SDK1: variants seen among roughly 807,000 people sequenced by gnomAD.
SDK1 encodes the protein sidekick cell adhesion molecule 1, also known as protein sidekick-1.
In SDK1, 157 loss-of-function variants were observed where a neutral mutation model predicts 245.5. The observed-to-expected ratio is 0.64, with a 90% CI of 0.56 to 0.73. SDK1 has a LOEUF of 0.73. Among genes scored for constraint, SDK1 ranks in the 30% least tolerant of loss-of-function variants. The probability of loss-of-function intolerance (pLI) is 0.00; values close to 1 mark genes in which losing one functional copy is unlikely to be tolerated. For missense variants in SDK1, 3,583 were observed against 3,002.3 expected (o/e 1.19, Z -4.52); for synonymous variants, 1,647 against 1,278.5 (o/e 1.29, Z -6.15).
intron 1 of SDK1, among the ~76,000 whole-genome samples, chr7:3,309,954 A>G (rs1779511372): frequency 6.6e-6 from 1 of 152,214 alleles, no homozygotes; most frequent in African/African-American, 2.4e-5. Flanking sequence ...TAAGAAAAAA[A>G]GGATTTTATT....
At chr7:3,822,754 A>G (rs1779676565) in intron 5 of SDK1, among the ~76,000 whole-genome samples, 1 of 151,756 alleles carries the variant, frequency 6.6e-6, no homozygotes, top group Admixed American at 6.6e-5. Flanking sequence ...GGCAGAAAGA[A>G]TGAAATTCCA....
chr7:3,905,184 T>C (rs1778855367), intron 5 of SDK1, among the ~76,000 whole-genome samples: 1 of 152,112 alleles, frequency 6.6e-6, no homozygotes, highest in Non-Finnish European at 1.5e-5. Context: ...TCACCATTTT[T>C]TTTATTTTTT....
intron 44 of SDK1, among the ~76,000 whole-genome samples, chr7:4,250,196 G>A (rs1031664887): frequency 1.1e-4 from 17 of 152,242 alleles, no homozygotes; most frequent in Middle Eastern, 3.4e-3. Flanking sequence ...TGATTGCAAC[G>A]CATTTGAACC....
chr7:3,454,913 T>C (rs547938650), intron 1 of SDK1, among the ~76,000 whole-genome samples: 6 of 152,312 alleles, frequency 3.9e-5, no homozygotes, highest in Non-Finnish European at 5.9e-5. Context: ...GCCAAACTAT[T>C]TTCCAGAGTG....
intron 1 of SDK1, among the ~76,000 whole-genome samples, chr7:3,512,768 T>C (rs1782624213): frequency 6.6e-6 from 1 of 152,208 alleles, no homozygotes; most frequent in African/African-American, 2.4e-5. Flanking sequence ...TTTTATGCTT[T>C]TTTATGTGAG....
At chr7:4,035,159 A>G (rs1208389067) in intron 17 of SDK1, among the ~76,000 whole-genome samples, 1 of 147,698 alleles carries the variant, frequency 6.8e-6, no homozygotes, top group Non-Finnish European at 1.5e-5. Context: ...TTTTTTTCTT[A>G]TCTTTAGTAG....
At chr7:3,481,445 G>A (rs1229869639) in intron 1 of SDK1, among the ~76,000 whole-genome samples, 1 of 152,226 alleles carries the variant, frequency 6.6e-6, no homozygotes, top group Non-Finnish European at 1.5e-5. Context: ...CTCTAGATAT[G>A]CCCTCTACAC....
At chr7:4,241,330 T>A (rs990207830) in intron 42 of SDK1, among the ~76,000 whole-genome samples, 2 of 152,132 alleles carry the variant, frequency 1.3e-5, no homozygotes, top group Non-Finnish European at 2.9e-5. Context: ...TTTCCCGGAA[T>A]TTTTAGAAGT....
chr7:3,539,813 G>T (rs1779001421), intron 1 of SDK1, among the ~76,000 whole-genome samples: 1 of 152,126 alleles, frequency 6.6e-6, no homozygotes, highest in East Asian at 1.9e-4. Context: ...CCAAATGAAA[G>T]AATAAACACT....
In SDK1 at chr7:4,145,907, G is replaced by A. The variant is rs549175408; in HGVS notation, c.4414G>A (p.Glu1472Lys). Residue 1472 changes from glutamate (E) to lysine (K), a missense_variant, in exon 29 of 45, where the codon GAG (glutamate) becomes AAG (lysine). Glu to Lys is a moderately conservative substitution (Grantham distance 56, BLOSUM62 1). Transcript: ENST00000404826. ...ACTGGAGGCCACCGTCATCACCACC[G>A]AGAAGAGAGGTAAGACCTTGGGGGA... ...EPLEATVITT[E>K]KRERPAPPRE... 1.7e-5 allele frequency: 28 copies of A among 1,605,866 alleles called. No homozygotes were observed. The highest frequency in any genetic ancestry group is 8.9e-5 in the South Asian group (8 of 90,312).
intron 5 of SDK1, among the ~76,000 whole-genome samples, chr7:3,923,129 C>T (rs1779651937): frequency 6.6e-6 from 1 of 152,140 alleles, no homozygotes; most frequent in Admixed American, 6.5e-5. Context: ...TTCATATTTA[C>T]AGTGTGTTAT....
chr7:3,502,948 G>T (rs1235180765), intron 1 of SDK1, among the ~76,000 whole-genome samples: 1 of 152,130 alleles, frequency 6.6e-6, no homozygotes, highest in Non-Finnish European at 1.5e-5. Flanking sequence ...ATATTATAGG[G>T]ATTAATGAAC....
intron 5 of SDK1, among the ~76,000 whole-genome samples, chr7:3,852,361 G>A (rs1780438813): frequency 6.6e-6 from 1 of 152,010 alleles, no homozygotes; most frequent in Non-Finnish European, 1.5e-5. Flanking sequence ...TGGGTACCGT[G>A]CTGTCACTAG....
At chr7:4,103,071 G>A (rs1782672939) in intron 22 of SDK1, among the ~76,000 whole-genome samples, 1 of 149,202 alleles carries the variant, frequency 6.7e-6, no homozygotes, top group African/African-American at 2.5e-5. Context: ...TGCGATCTCG[G>A]CTCACTGCAA....
Position 4,175,171 on chromosome 7 carries a change from C to T in SDK1, c.4937-604C>T, listed in dbSNP as rs564960622. On this transcript the variant is annotated intron_variant, in intron 33 of 44. Transcript: ENST00000404826. ...TGCTCCTATGCTCACACAGCTTGAC[C>T]CCAGTACAGCGCCAGGCATGATGTT... Among the ~76,000 whole-genome samples the T allele has an allele frequency of 2.2e-4, 33 of 152,320 alleles. No individual in the cohort carries two copies. In the South Asian group the frequency reaches 3.1e-3, roughly 14 times the overall value.
chr7:3,902,794 C>G (rs1049187220), intron 5 of SDK1, among the ~76,000 whole-genome samples: 48 of 152,098 alleles, frequency 3.2e-4, no homozygotes, highest in Non-Finnish European at 5.1e-4. Flanking sequence ...TATATCCTTT[C>G]TATGTTTTAT....
chr7:3,754,909 TC>T (rs1214795654), intron 4 of SDK1, among the ~76,000 whole-genome samples: 1 of 152,170 alleles, frequency 6.6e-6, no homozygotes, highest in Non-Finnish European at 1.5e-5. Flanking sequence ...CTTCTAATGT[TC>T]GTTTGTTACG....
intron 1 of SDK1, among the ~76,000 whole-genome samples, chr7:3,401,586 A>G (rs1172710366): frequency 2.0e-5 from 3 of 152,118 alleles, no homozygotes; most frequent in Non-Finnish European, 2.9e-5. Context: ...TGGCCACAAT[A>G]TACTGAGCCA....
At chr7:3,416,228 G>A (rs1403315324) in intron 1 of SDK1, among the ~76,000 whole-genome samples, 2 of 152,124 alleles carry the variant, frequency 1.3e-5, no homozygotes, top group Non-Finnish European at 2.9e-5. Flanking sequence ...GTTGTAGAAA[G>A]AAAGATGTCT....
Sources: allele counts gnomAD v4.1 joint callset (sites outside exome capture counted in the v4.1 genomes callset), GRCh38; gene constraint gnomAD v4.1.1; transcripts MANE v1.5; gene names NCBI Gene and HGNC (gene_info 2026-07-23, HGNC 2026-07-21).